Variants in ZBTB10 observed in about 807,000 individuals in gnomAD.
ZBTB10 encodes zinc finger and BTB domain containing 10.
In ZBTB10, 32 loss-of-function variants were observed where a neutral mutation model predicts 76.4. The observed-to-expected ratio is 0.42, with a 90% CI of 0.32 to 0.56. The LOEUF is 0.56. Ranked by LOEUF, ZBTB10 falls within the 20% of genes least tolerant of loss-of-function variation. ZBTB10 has a pLI of 0.14. For missense variants in ZBTB10, 1,057 were observed against 1,098.5 expected, an observed-to-expected ratio of 0.96 and a Z score of 0.53; for synonymous variants, 523 against 432.9, an observed-to-expected ratio of 1.21 and a Z score of -2.58.
chr8:80,489,958 C>T (rs1227921635), intron 1 of ZBTB10, among the ~76,000 whole-genome samples: 1 of 152,176 alleles, frequency 6.6e-6, no homozygotes, highest in Non-Finnish European at 1.5e-5. Context: ...CCCCCAGGTA[C>T]CACCTATATA....
intron 2 of ZBTB10, among the ~76,000 whole-genome samples, chr8:80,509,137 A>G (rs1005631737): frequency 1.3e-5 from 2 of 152,168 alleles, no homozygotes; most frequent in Non-Finnish European, 1.5e-5. Context: ...TATATAATAC[A>G]TTTGCAACTG....
At chr8:80,494,572 C>T (rs1815732578) in intron 1 of ZBTB10, among the ~76,000 whole-genome samples, 1 of 152,094 alleles carries the variant, frequency 6.6e-6, no homozygotes, top group African/African-American at 2.4e-5. Flanking sequence ...CTCATTGACA[C>T]CTATCTTCCC....
rs759737076 is a variant in ZBTB10, at chr8:80,518,484, A to G, written c.2042A>G (p.Asn681Ser). The change falls in exon 4 of 6, where the codon AAT becomes AGT. Residue 681 changes from asparagine to serine, a missense_variant. Asn to Ser is a conservative substitution (Grantham distance 46). Transcript: ENST00000455036. ...FKYGLIPGTS[N>S]DFKYGLIPGA... ...TATGGATTGATACCAGGTACTTCAA[A>G]TGATTTCAAGTATGGATTGATACCA... 2 of 1,553,446 alleles carry G rather than the reference A, an allele frequency of 1.3e-6. No homozygotes were observed. The highest frequency in any genetic ancestry group is 2.4e-5 in the South Asian group (2 of 84,200).
intron 1 of ZBTB10, among the ~76,000 whole-genome samples, chr8:80,495,992 G>C (rs999240074): frequency 6.6e-6 from 1 of 152,112 alleles, no homozygotes; most frequent in Non-Finnish European, 1.5e-5. Context: ...TGAGCTAATT[G>C]TGTTTTCCTT....
At chr8:80,498,949 G>A (rs1251052246) in intron 1 of ZBTB10, among the ~76,000 whole-genome samples, 1 of 152,094 alleles carries the variant, frequency 6.6e-6, no homozygotes, top group Admixed American at 6.5e-5. Flanking sequence ...TCCCCTTAGG[G>A]TCTTACCTTT....
At position 80,524,483 on chromosome 8, in the gene ZBTB10, G is replaced by A. The variant is rs1319728658; in HGVS notation, c.*4955G>A. 1 of 152,096 alleles carries A rather than the reference G, an allele frequency of 6.6e-6. No homozygotes were observed. The highest frequency in any genetic ancestry group is 2.4e-5 in the African/African-American group (1 of 41,428). 9.4% of individuals were successfully genotyped at this position (152,096 alleles called of 1,614,324 possible). ...ACTGATTGACTACAAGTGATGTGAT[G>A]TTATAAATTTGAAGTCTTTGAAACT... On this transcript the variant is annotated 3_prime_UTR_variant, in exon 6 of 6. Coordinates refer to ENST00000455036, the MANE Select transcript of ZBTB10 (RefSeq NM_001105539.3).
intron 3 of ZBTB10, among the ~76,000 whole-genome samples, chr8:80,514,634 AT>A (rs1200993176): frequency 1.3e-5 from 2 of 152,206 alleles, no homozygotes; most frequent in Non-Finnish European, 2.9e-5. Flanking sequence ...TGGGTGAAAG[AT>A]TGTTGGGGAA....
rs1815887469 is a variant in ZBTB10, at chr8:80,500,220, G to A, written c.1699G>A (p.Gly567Arg). Residue 567 changes from glycine (G) to arginine (R), a missense_variant, in exon 2 of 6, where the codon GGA becomes AGA. Gly to Arg is a moderately radical substitution (Grantham distance 125). Around this residue, in one of 5 missense-constraint regions of ZBTB10, gnomAD observed 306 missense variants for 297.5 expected, o/e 1.03. Transcript: ENST00000455036. Reference protein sequence around the residue: ...VFIWNNMGSQGIQETGKTRRK... With the variant: ...VFIWNNMGSQRIQETGKTRRK... Reference sequence around the variant, plus strand: ...TATTTGGAATAATATGGGCTCCCAGGGAATTCAAGAGACTGGCAAAACAAG... The same window carrying A: ...TATTTGGAATAATATGGGCTCCCAGAGAATTCAAGAGACTGGCAAAACAAG... 1 of 1,598,008 alleles carries A rather than the reference G, an allele frequency of 6.3e-7. No individual in the cohort carries two copies. The highest frequency in any genetic ancestry group is 2.3e-5 in the East Asian group (1 of 44,306).
Position 80,519,536 on chromosome 8 carries a change from A to G in ZBTB10, c.*8A>G, listed in dbSNP as rs1563468548. 6.2e-7 allele frequency: 1 copy of G among 1,601,544 alleles called. No individual in the cohort carries two copies. The highest frequency in any genetic ancestry group is 1.7e-5 in the Admixed American group (1 of 58,734). On this transcript the variant is annotated 3_prime_UTR_variant, in exon 6 of 6. Transcript: ENST00000455036. ...ATGTCTCTAGATGATTAACTGACCT[A>G]CTATACTCCTCAAGGATGCTGCATT... is the stretch of plus-strand genomic sequence containing the variant.
upstream of ZBTB10, chr8:80,486,067 C>T: frequency 9.4e-7 from 1 of 1,067,406 alleles, no homozygotes; most frequent in Non-Finnish European, 1.3e-6. Flanking sequence ...GCCCCCAGGC[C>T]GGAGGCGCAG....
rs1324170473 is a variant in ZBTB10 at position 80,518,779 on chromosome 8, T to C, written c.2138-3T>C. 1.9e-6 allele frequency: 3 copies of C among 1,603,838 alleles called. No individual in the cohort carries two copies. The highest frequency in any genetic ancestry group is 2.2e-5 in the East Asian group (1 of 44,764). On this transcript the variant is annotated splice_polypyrimidine_tract_variant and splice_region_variant and intron_variant, in intron 4 of 5. Transcript: ENST00000455036. The stretch of plus-strand genomic sequence containing the variant: ...GCACTTTCTCTTTTTTTAATTCTCA[T>C]AGGTGAATCATCTCTAATCATGAAC...
chr8:80,503,500 T>C lies in ZBTB10; in HGVS notation c.1861+3118T>C, dbSNP rs187540681. ...TGTCGTTGGGAATAGTGTAATTTAT[T>C]ATTTATTTATTTATTTATTTATTTA... On this transcript the variant is annotated intron_variant, in intron 2 of 5. Transcript: ENST00000455036. Among the ~76,000 whole-genome samples, 554 of 149,814 alleles carry C rather than the reference T, an allele frequency of 3.7e-3. 3 individuals are homozygous for C. Among genetic ancestry groups the C allele is most frequent in the Middle Eastern group, 0.014 (4 of 294 alleles).
In ZBTB10 at chr8:80,500,254, A is replaced by G; in HGVS notation, c.1733A>G (p.Asn578Ser). Residue 578 changes from asparagine (N) to serine (S), a missense_variant, in exon 2 of 6, where the codon AAC (asparagine) becomes AGC (serine). Asn to Ser is a conservative substitution (Grantham distance 46). Transcript: ENST00000455036. ...IQETGKTRRKNQTTKRFIYNI... is the reference protein window; with the variant it reads ...IQETGKTRRKSQTTKRFIYNI... Reference sequence around the variant, plus strand: ...GAGACTGGCAAAACAAGGAGGAAAAACCAAACTACAAAAAGATTTATTTAT... The same window carrying G: ...GAGACTGGCAAAACAAGGAGGAAAAGCCAAACTACAAAAAGATTTATTTAT... 6.3e-7 allele frequency: 1 copy of G among 1,584,032 alleles called. No individual in the cohort carries two copies. Among genetic ancestry groups the G allele is most frequent in the Non-Finnish European group, 8.6e-7 (1 of 1,164,290 alleles).
chr8:80,516,620 T>G (rs1289480172), intron 3 of ZBTB10, among the ~76,000 whole-genome samples: 1 of 152,226 alleles, frequency 6.6e-6, no homozygotes, highest in East Asian at 1.9e-4. Context: ...TAATGAGTTA[T>G]AGTTGAATTT....
intron 2 of ZBTB10, among the ~76,000 whole-genome samples, chr8:80,504,188 G>C (rs1315376074): frequency 6.6e-6 from 1 of 152,170 alleles, no homozygotes; most frequent in Non-Finnish European, 1.5e-5. Flanking sequence ...TTCATCATTA[G>C]TTATGCTTTA....
chr8:80,498,549 T>C (rs1368266348), intron 1 of ZBTB10, among the ~76,000 whole-genome samples: 1 of 152,176 alleles, frequency 6.6e-6, no homozygotes, highest in Admixed American at 6.6e-5. Context: ...AGCTCTGCCT[T>C]GAGGGAGCTT....
In ZBTB10 at chr8:80,518,706, TAG is replaced by T. The variant is rs1322435181; in HGVS notation, c.2138-72_2138-71del. 8 of 1,496,120 alleles carry T rather than the reference TAG, an allele frequency of 5.3e-6. No homozygotes were observed. In the African/African-American group the frequency reaches 5.6e-5, roughly 11 times the overall value. The allele number at this position is 1,496,120 out of a possible 1,614,324, so 92.7% of individuals were successfully genotyped here. A position where few individuals can be genotyped will look rare whatever the true frequency, so the allele number is the denominator to read the frequency against. ...TCCACATAATTGCTGTTCTCAGAGA[TAG>T]AGATAAGAAGTTTTGATAGCAAGTT... On this transcript the variant is annotated intron_variant, in intron 4 of 5. Coordinates refer to ENST00000455036, the MANE Select transcript of ZBTB10 (RefSeq NM_001105539.3).
chr8:80,486,896 A>G lies in ZBTB10; in HGVS notation c.86A>G (p.Asn29Ser), dbSNP rs1031094591. 29 of 1,515,166 alleles carry G rather than the reference A, an allele frequency of 1.9e-5. No individual in the cohort carries two copies. In the African/African-American group the frequency reaches 2.8e-4, roughly 14 times the overall value. 93.9% of individuals were successfully genotyped at this position (1,515,166 alleles called of 1,614,324 possible). ...GCTAGCGGCGGCGGCTCCACGAACA[A>G]TAACGCTGGCGGGGAGGCCTCAGCT... is the stretch of plus-strand genomic sequence containing the variant. Reference protein sequence around the residue: ...VTASGGGSTNNNAGGEASAWP... With the variant: ...VTASGGGSTNSNAGGEASAWP... The change falls in exon 1 of 6, where the codon AAT becomes AGT. Residue 29 changes from asparagine to serine, a missense_variant. Asn to Ser is a conservative substitution (Grantham distance 46). Coordinates refer to ENST00000455036, the MANE Select transcript of ZBTB10 (RefSeq NM_001105539.3).
rs1480414276 is a variant in ZBTB10 at position 80,518,371 on chromosome 8, C to T, written c.1961-32C>T. On this transcript the variant is annotated intron_variant, in intron 3 of 5. Coordinates refer to ENST00000455036, the MANE Select transcript of ZBTB10 (RefSeq NM_001105539.3). ...CTGATGAGAGACAGATCTTTATTACCATTATTAATTCAGAATTTTTACTTG... is the reference window on the plus strand; with the variant it reads ...CTGATGAGAGACAGATCTTTATTACTATTATTAATTCAGAATTTTTACTTG... The T allele has an allele frequency of 3.3e-6, 5 of 1,520,114 alleles. No individual in the cohort carries two copies. The African/African-American group carries it at 4.2e-5, about 13-fold the overall frequency. The allele number at this position is 1,520,114 out of a possible 1,614,324, so 94.2% of individuals were successfully genotyped here.
Sources: gnomAD v4.1 joint callset for allele counts (sites outside exome capture counted in the v4.1 genomes callset) on GRCh38, gnomAD v4.1.1 for gene constraint, gnomAD v4.1.1 regional missense constraint, MANE v1.5 for transcripts, NCBI Gene and HGNC (gene_info 2026-07-23, HGNC 2026-07-21) for gene names.